The following CTNNA2 variants were observed in gnomAD, a reference collection of about 807,000 sequenced individuals.
The protein encoded by CTNNA2 is catenin alpha-2.
In CTNNA2, 42 loss-of-function variants were observed where a neutral mutation model predicts 101.0. That is an observed-to-expected ratio of 0.42 (90% CI 0.32 to 0.54). The LOEUF (loss-of-function observed/expected upper bound fraction) is 0.54, where lower values mean the gene tolerates loss of function less well. Ranked by LOEUF, CTNNA2 falls within the 20% of genes least tolerant of loss-of-function variation. CTNNA2 has a pLI of 0.14. For missense variants in CTNNA2, 871 were observed against 1,223.1 expected, an observed-to-expected ratio of 0.71 and a Z score of 4.29; for synonymous variants, 450 against 456.4, an observed-to-expected ratio of 0.99 and a Z score of 0.18.
At chr2:79,395,547 C>A (rs964263772) in intron 4 of CTNNA2, among the ~76,000 whole-genome samples, 1 of 152,098 alleles carries the variant, frequency 6.6e-6, no homozygotes. Flanking sequence ...TGCCTTAGCA[C>A]CCTATGGAAA....
chr2:79,932,313 A>G (rs993186413), intron 7 of CTNNA2, among the ~76,000 whole-genome samples: 67 of 152,172 alleles, frequency 4.4e-4, no homozygotes, highest in African/African-American at 1.6e-3. Flanking sequence ...GAAACAGATA[A>G]AAGGGAAAGA....
intron 2 of CTNNA2, among the ~76,000 whole-genome samples, chr2:79,285,790 T>C (rs796597261): frequency 0.073 from 10,640 of 145,812 alleles, 335 homozygotes; most frequent in African/African-American, 0.11. Flanking sequence ...CAGAGCTGAG[T>C]TCAATTCCTG....
rs117679895 is a variant in CTNNA2 at position 79,608,402 on chromosome 2, T to C, written c.-5-43150T>C. Among the ~76,000 whole-genome samples, 747 of 152,192 alleles carry C rather than the reference T, an allele frequency of 4.9e-3. 35 individuals are homozygous for C. In the East Asian group the frequency reaches 0.1, roughly 21 times the overall value. On this transcript the variant is annotated intron_variant, in intron 1 of 18. Transcript: ENST00000402739. ...TGAAGATAAGGTAGTCATTTTTATCTCATTCTATATGGCCAGCATTACCTG... is the reference window on the plus strand; with the variant it reads ...TGAAGATAAGGTAGTCATTTTTATCCCATTCTATATGGCCAGCATTACCTG...
At chr2:80,612,837 G>A (rs1317665130) in intron 17 of CTNNA2, 1 of 151,296 alleles carries the variant, frequency 6.6e-6, no homozygotes, top group African/African-American at 2.4e-5. Context: ...AATCTAAAGT[G>A]CTAGCTATTT....
At chr2:79,634,965 C>T (rs1017149860) in intron 1 of CTNNA2, among the ~76,000 whole-genome samples, 3 of 151,972 alleles carry the variant, frequency 2.0e-5, no homozygotes, top group African/African-American at 7.3e-5. Flanking sequence ...AGAGGCTATT[C>T]GATGGGACAG....
chr2:79,686,647 G>A (rs1027570647), intron 2 of CTNNA2, among the ~76,000 whole-genome samples: 4 of 152,072 alleles, frequency 2.6e-5, no homozygotes, highest in African/African-American at 9.7e-5. Context: ...AGAAAGTACA[G>A]TAGCCATTAA....
intron 9 of CTNNA2, among the ~76,000 whole-genome samples, chr2:80,474,193 A>G (rs1466924338): frequency 1.3e-5 from 2 of 152,242 alleles, no homozygotes; most frequent in African/African-American, 4.8e-5. Context: ...CAGAAGAACC[A>G]TATATTTTGA....
At chr2:80,248,656 A>G (rs1448579772) in intron 7 of CTNNA2, among the ~76,000 whole-genome samples, 2 of 152,158 alleles carry the variant, frequency 1.3e-5, no homozygotes, top group Admixed American at 6.5e-5. Flanking sequence ...TGGTTGGATC[A>G]TTGAGGCCTT....
At chr2:80,364,950 C>T (rs375756630) in intron 7 of CTNNA2, among the ~76,000 whole-genome samples, 1 of 152,072 alleles carries the variant, frequency 6.6e-6, no homozygotes. Context: ...GGGTTAAATG[C>T]GATAGTAACA....
chr2:80,003,372 T>C (rs1466323586), intron 7 of CTNNA2, among the ~76,000 whole-genome samples: 1 of 152,178 alleles, frequency 6.6e-6, no homozygotes, highest in Admixed American at 6.5e-5. Flanking sequence ...CCAAATAGAC[T>C]TAACTGCCAA....
chr2:79,323,628 G>A (rs910539473), intron 3 of CTNNA2, among the ~76,000 whole-genome samples: 1 of 152,102 alleles, frequency 6.6e-6, no homozygotes, highest in African/African-American at 2.4e-5. Flanking sequence ...AAGTTTCAAG[G>A]GAGACTGACC....
intron 18 of CTNNA2, among the ~76,000 whole-genome samples, chr2:80,628,704 C>G (rs1315705617): frequency 6.6e-6 from 1 of 151,922 alleles, no homozygotes; most frequent in African/African-American, 2.4e-5. Flanking sequence ...ATAGGTAACT[C>G]CTGCCTACAG....
chr2:79,296,126 T>A lies in CTNNA2; in HGVS notation c.-405-16583T>A, dbSNP rs187763394. Among the ~76,000 whole-genome samples, 251 of 152,204 alleles carry A rather than the reference T, an allele frequency of 1.6e-3. 2 individuals carry two copies. Among genetic ancestry groups the A allele is most frequent in the African/African-American group, 4.7e-3 (195 of 41,542 alleles). On this transcript the variant is annotated intron_variant, in intron 2 of 21. Transcript: ENST00000466387. ...AATATTGGAGAGGTGAGGAAGAAGG[T>A]GTGGACCTAACACTTATCCTCAGAT...
intron 2 of CTNNA2, among the ~76,000 whole-genome samples, chr2:79,659,193 T>G (rs1285786888): frequency 6.7e-6 from 1 of 148,858 alleles, no homozygotes; most frequent in Non-Finnish European, 1.5e-5. Flanking sequence ...CAAAGTAACT[T>G]CTGAGAGTTG....
At chr2:79,810,474 A>G (rs1267315313) in intron 3 of CTNNA2, among the ~76,000 whole-genome samples, 1 of 151,504 alleles carries the variant, frequency 6.6e-6, no homozygotes, top group Non-Finnish European at 1.5e-5. Context: ...CAGCCATACC[A>G]TATCACTATC....
At chr2:79,466,663 C>A (rs926104998) in intron 4 of CTNNA2, among the ~76,000 whole-genome samples, 20 of 152,260 alleles carry the variant, frequency 1.3e-4, no homozygotes, top group Admixed American at 1.2e-3. Flanking sequence ...CAGCCGAGTA[C>A]CCCTCTGAGA....
At position 80,216,565 on chromosome 2, in the gene CTNNA2, C is replaced by T. The variant is rs140646238; in HGVS notation, c.1057-176646C>T. ...AGATCAGTGCCTTTATAAGAAGAAGCCATAGAGCTAGCTATCTCTCTTTTT... is the reference window on the plus strand; with the variant it reads ...AGATCAGTGCCTTTATAAGAAGAAGTCATAGAGCTAGCTATCTCTCTTTTT... On this transcript the variant is annotated intron_variant, in intron 7 of 18. Coordinates refer to ENST00000402739, the MANE Select transcript of CTNNA2 (RefSeq NM_001282597.3). 5.4e-4 allele frequency among the ~76,000 whole-genome samples: 82 copies of T among 152,204 alleles called. 1 individual carries two copies. The highest frequency in any genetic ancestry group is 1.7e-3 in the African/African-American group (72 of 41,546).
intron 7 of CTNNA2, among the ~76,000 whole-genome samples, chr2:80,089,241 T>C (rs1049612377): frequency 2.0e-5 from 3 of 151,978 alleles, no homozygotes; most frequent in African/African-American, 7.2e-5. Flanking sequence ...TCTAGAATTG[T>C]GGGAGCAAAA....
chr2:80,611,675 T>G (rs1413697859), intron 17 of CTNNA2, among the ~76,000 whole-genome samples: 1 of 151,584 alleles, frequency 6.6e-6, no homozygotes, highest in Non-Finnish European at 1.5e-5. Context: ...TTTAATATTT[T>G]TTAGCTACCC....
Sources: allele counts gnomAD v4.1 joint callset (sites outside exome capture counted in the v4.1 genomes callset), GRCh38; gene constraint gnomAD v4.1.1; transcripts MANE v1.5; gene names NCBI Gene and HGNC (gene_info 2026-07-23, HGNC 2026-07-21).